The following TENM4 variants were observed in gnomAD, a reference collection of about 807,000 sequenced individuals.
The protein encoded by TENM4 is teneurin-4.
A neutral mutation model predicts 243.3 loss-of-function variants in TENM4; 82 were observed. That is an observed-to-expected ratio of 0.34 (90% CI 0.28 to 0.40). TENM4 has a LOEUF of 0.40. TENM4 is among the 10% of genes least tolerant of loss of function. The probability of loss-of-function intolerance (pLI) is 1.00; values close to 1 mark genes in which losing one functional copy is unlikely to be tolerated. For missense variants in TENM4, 3,138 were observed against 3,673.3 expected (o/e 0.85, Z 3.77); for synonymous variants, 1,412 against 1,456.3 (o/e 0.97, Z 0.69).
At chr11:79,206,462 G>A (rs1565249689) in intron 3 of TENM4, among the ~76,000 whole-genome samples, 3 of 152,158 alleles carry the variant, frequency 2.0e-5, no homozygotes, top group Non-Finnish European at 2.9e-5. Context: ...CAGGTGCAGG[G>A]GACACAGGTG....
intron 6 of TENM4, among the ~76,000 whole-genome samples, chr11:79,010,324 C>A (rs1858611551): frequency 6.6e-6 from 1 of 152,060 alleles, no homozygotes. Flanking sequence ...GTGAAGGGGG[C>A]AGTGTAAGTA....
intron 29 of TENM4, among the ~76,000 whole-genome samples, chr11:78,683,742 G>A (rs889603928): frequency 6.6e-6 from 1 of 151,716 alleles, no homozygotes; most frequent in Non-Finnish European, 1.5e-5. Context: ...CATCTTCTGC[G>A]TCGCTCACGC....
chr11:79,317,987 T>C (rs1856829710), intron 1 of TENM4, among the ~76,000 whole-genome samples: 1 of 152,178 alleles, frequency 6.6e-6, no homozygotes, highest in African/African-American at 2.4e-5. Flanking sequence ...GTTTCTCTAT[T>C]CAGCCAGTGA....
At position 78,756,810 on chromosome 11, in the gene TENM4, A is replaced by G. The variant is rs564607395; in HGVS notation, c.2751T>C (p.Asp917=). ...GCTGGGGCCCTCGGACTCACCCTCC[A>G]TCAAAGGGGTTCTCCCCGGGGATTA... is the stretch of plus-strand genomic sequence containing the variant. The part of the protein sequence containing the change: ...THIIPGENPF[D]GGHACVIRGQ... The change falls in exon 19 of 34, where the codon GAT becomes GAC. Residue 917 remains aspartate, a synonymous_variant. Transcript: ENST00000278550. 124 of 1,612,874 alleles carry G rather than the reference A, an allele frequency of 7.7e-5. No homozygotes were observed. The highest frequency in any genetic ancestry group is 1.0e-4 in the Admixed American group (6 of 59,904).
In TENM4 at chr11:78,672,214, G is replaced by T; in HGVS notation, c.5612C>A (p.Pro1871His). ...LRILYDQAGR[P>H]SLWSPSSRLN... Reference sequence around the variant, plus strand: ...CCTGCTGCTGGGTGACCAGAGGCTGGGCCGCCCCGCCTGGTCGTACAGAAT... The same window carrying T: ...CCTGCTGCTGGGTGACCAGAGGCTGTGCCGCCCCGCCTGGTCGTACAGAAT... Residue 1871 changes from proline (P) to histidine (H), a missense_variant, in exon 31 of 34, where the codon CCC becomes CAC. Pro to His is a moderately conservative substitution (Grantham distance 77). Around this residue, in one of 2 missense-constraint regions of TENM4, gnomAD observed 2,467 missense variants for 3,059.1 expected, o/e 0.81. Coordinates refer to ENST00000278550, the MANE Select transcript of TENM4 (RefSeq NM_001098816.3). 1 of 1,613,910 alleles carries T rather than the reference G, an allele frequency of 6.2e-7. No individual in the cohort carries two copies. Among genetic ancestry groups the T allele is most frequent in the Non-Finnish European group, 8.5e-7 (1 of 1,179,884 alleles).
At chr11:79,209,643 A>G (rs916956482) in intron 3 of TENM4, among the ~76,000 whole-genome samples, 2 of 152,238 alleles carry the variant, frequency 1.3e-5, no homozygotes, top group African/African-American at 4.8e-5. Flanking sequence ...AGGGAAGCAG[A>G]AGAAGCCTAG....
chr11:78,850,081 G>GTGTGTC (rs1565405753), intron 12 of TENM4, among the ~76,000 whole-genome samples: 1 of 152,090 alleles, frequency 6.6e-6, no homozygotes, highest in African/African-American at 2.4e-5. Context: ...GTGTGTGTGT[G>GTGTGTC]TGTGTAAATG....
Position 78,791,468 on chromosome 11 carries a change from G to A in TENM4, c.2180-4385C>T, listed in dbSNP as rs183380633. On this transcript the variant is annotated intron_variant, in intron 15 of 33. Coordinates refer to ENST00000278550, the MANE Select transcript of TENM4 (RefSeq NM_001098816.3). ...CTCTCCTAGTCACAAGTTCCCTTAT[G>A]TAAAACAGGGATGACGTCAACTACT... is the stretch of plus-strand genomic sequence containing the variant. Among the ~76,000 whole-genome samples, 234 of 152,302 alleles carry A rather than the reference G, an allele frequency of 1.5e-3. 1 individual carries two copies. The highest frequency in any genetic ancestry group is 6.8e-3 in the Middle Eastern group (2 of 294).
intron 9 of TENM4, among the ~76,000 whole-genome samples, chr11:78,883,845 C>G (rs1855489324): frequency 6.6e-6 from 1 of 152,206 alleles, no homozygotes; most frequent in Non-Finnish European, 1.5e-5. Flanking sequence ...ATTGCTGGAA[C>G]AGTGAGACAT....
intron 6 of TENM4, among the ~76,000 whole-genome samples, chr11:78,962,660 T>G (rs987321218): frequency 2.0e-5 from 3 of 152,138 alleles, no homozygotes; most frequent in African/African-American, 7.2e-5. Flanking sequence ...CGGGGTCTAG[T>G]CCTGACGGGG....
At chr11:78,900,701 G>A (rs1411777793) in intron 7 of TENM4, among the ~76,000 whole-genome samples, 1 of 152,196 alleles carries the variant, frequency 6.6e-6, no homozygotes, top group Non-Finnish European at 1.5e-5. Context: ...GTTCAGGGAT[G>A]TTAGGGAACT....
chr11:79,296,023 A>C (rs1240142264), intron 2 of TENM4, among the ~76,000 whole-genome samples: 2 of 152,056 alleles, frequency 1.3e-5, no homozygotes, highest in Non-Finnish European at 2.9e-5. Flanking sequence ...GTGCATCTAC[A>C]TCAACCATGG....
intron 2 of TENM4, among the ~76,000 whole-genome samples, chr11:79,256,357 A>C (rs971379823): frequency 1.3e-5 from 2 of 152,056 alleles, no homozygotes; most frequent in Non-Finnish European, 2.9e-5. Context: ...AGTTCCCCAC[A>C]CTTGCCATGT....
At chr11:79,181,026 T>C (rs960804086) in intron 3 of TENM4, among the ~76,000 whole-genome samples, 8 of 152,098 alleles carry the variant, frequency 5.3e-5, no homozygotes, top group African/African-American at 1.4e-4. Flanking sequence ...TGGAAGAAAC[T>C]ATACCAATTA....
intron 9 of TENM4, among the ~76,000 whole-genome samples, chr11:78,870,902 C>T (rs1173356841): frequency 6.6e-6 from 1 of 152,188 alleles, no homozygotes; most frequent in Non-Finnish European, 1.5e-5. Flanking sequence ...ACAGAATAAA[C>T]TGCTATTATT....
intron 3 of TENM4, among the ~76,000 whole-genome samples, chr11:79,162,882 A>T (rs1292538444): frequency 6.6e-6 from 1 of 152,222 alleles, no homozygotes; most frequent in Non-Finnish European, 1.5e-5. Flanking sequence ...GGTCAAGTGG[A>T]CATGGGCCCA....
intron 6 of TENM4, among the ~76,000 whole-genome samples, chr11:78,934,041 CT>C: frequency 6.6e-6 from 1 of 152,188 alleles, no homozygotes; most frequent in South Asian, 2.1e-4. Flanking sequence ...TAAAATACCC[CT>C]CAAATGGGCA....
intron 4 of TENM4, among the ~76,000 whole-genome samples, chr11:79,119,485 G>T (rs1204392092): frequency 3.3e-5 from 5 of 152,152 alleles, no homozygotes; most frequent in African/African-American, 1.2e-4. Context: ...AGGAAAGAAA[G>T]TCTCAGAACT....
At chr11:79,348,384 C>G (rs1489490238) in intron 1 of TENM4, among the ~76,000 whole-genome samples, 1 of 152,122 alleles carries the variant, frequency 6.6e-6, no homozygotes, top group East Asian at 1.9e-4. Context: ...TATCCCATAC[C>G]AAAACACAGG....
Sources: gnomAD v4.1 joint callset for allele counts (sites outside exome capture counted in the v4.1 genomes callset) on GRCh38, gnomAD v4.1.1 for gene constraint, gnomAD v4.1.1 regional missense constraint, MANE v1.5 for transcripts, NCBI Gene and HGNC (gene_info 2026-07-23, HGNC 2026-07-21) for gene names.